The following HIVEP3 variants were observed in gnomAD, a reference collection of about 807,000 sequenced individuals.
HIVEP3 encodes the protein HIVEP zinc finger 3, also known as transcription factor HIVEP3.
Under a neutral mutation model 152.8 loss-of-function variants are expected in HIVEP3, and 49 were observed. That is an observed-to-expected ratio of 0.32 (90% CI 0.26 to 0.41). The LOEUF (loss-of-function observed/expected upper bound fraction) is 0.41, where lower values mean the gene tolerates loss of function less well. HIVEP3 is among the 10% of genes least tolerant of loss of function. The pLI is 1.00. For missense variants in HIVEP3, 2,790 were observed against 3,103.3 expected, an observed-to-expected ratio of 0.90 and a Z score of 2.40; for synonymous variants, 1,269 against 1,289.0, an observed-to-expected ratio of 0.98 and a Z score of 0.33.
intron 1 of HIVEP3, among the ~76,000 whole-genome samples, chr1:41,730,876 TG>T (rs541536945): frequency 4.6e-5 from 7 of 152,130 alleles, no homozygotes; most frequent in Non-Finnish European, 5.9e-5. Flanking sequence ...GGGGATCTAA[TG>T]GGACTAGCTG....
intron 1 of HIVEP3, among the ~76,000 whole-genome samples, chr1:41,916,723 C>T (rs1203698014): frequency 1.3e-5 from 2 of 152,174 alleles, no homozygotes; most frequent in Non-Finnish European, 2.9e-5. Context: ...TATAGCCCAA[C>T]CCCAGAGCAC....
intron 1 of HIVEP3, among the ~76,000 whole-genome samples, chr1:42,000,444 C>A (rs1201362737): frequency 6.6e-6 from 1 of 152,154 alleles, no homozygotes; most frequent in Non-Finnish European, 1.5e-5. Flanking sequence ...CAGGAGGAGG[C>A]ACAAGTCACC....
rs1418961212 is a variant in HIVEP3 at position 41,510,485 on chromosome 1, T to C, written c.7187A>G (p.His2396Arg). ...SGSGEPRAHP[H>R]QPEDRVPPNA ...GGGGGGAACCCTGTCCTCAGGCTGATGTGGATGTGCCCTGGGCTCCCCACT... is the reference window on the plus strand; with the variant it reads ...GGGGGGAACCCTGTCCTCAGGCTGACGTGGATGTGCCCTGGGCTCCCCACT... The change falls in exon 9 of 9, where the codon CAT becomes CGT. Residue 2396 changes from histidine to arginine, a missense_variant. His to Arg is a conservative substitution (Grantham distance 29). Transcript: ENST00000372583. The C allele has an allele frequency of 1.9e-6, 3 of 1,568,054 alleles. No individual in the cohort carries two copies. The highest frequency in any genetic ancestry group is 1.7e-6 in the Non-Finnish European group (2 of 1,154,856).
intron 2 of HIVEP3, among the ~76,000 whole-genome samples, chr1:41,656,228 C>T (rs1026361578): frequency 5.3e-4 from 80 of 152,180 alleles, no homozygotes; most frequent in Admixed American, 3.9e-4. Context: ...CAGCCCCACA[C>T]GCAGCCAGTT....
intron 2 of HIVEP3, among the ~76,000 whole-genome samples, chr1:41,661,490 G>A (rs1019531695): frequency 6.6e-6 from 1 of 151,720 alleles, no homozygotes. Flanking sequence ...TCTCCCAGTC[G>A]CCACACCCTC....
chr1:41,945,091 T>A (rs1296502627), intron 1 of HIVEP3, among the ~76,000 whole-genome samples: 1 of 152,172 alleles, frequency 6.6e-6, no homozygotes, highest in African/African-American at 2.4e-5. Flanking sequence ...ATGTACAAAC[T>A]TTCTTTTCAT....
chr1:41,957,228 TG>T (rs1645144826), intron 1 of HIVEP3, among the ~76,000 whole-genome samples: 1 of 116,256 alleles, frequency 8.6e-6, no homozygotes, highest in Non-Finnish European at 2.1e-5. Flanking sequence ...CTAAAAGTTT[TG>T]CCAGAATAAT....
chr1:41,839,693 C>T (rs773080522), intron 1 of HIVEP3, among the ~76,000 whole-genome samples: 94 of 152,156 alleles, frequency 6.2e-4, no homozygotes, highest in Non-Finnish European at 1.2e-3. Flanking sequence ...TTAATGGCCA[C>T]GCCTGGGGTC....
intron 1 of HIVEP3, among the ~76,000 whole-genome samples, chr1:42,026,090 C>T (rs913818724): frequency 1.3e-5 from 2 of 151,746 alleles, no homozygotes; most frequent in African/African-American, 4.8e-5. Flanking sequence ...AAAAAAAAAT[C>T]TGCGAAAAGG....
chr1:41,703,214 C>T (rs1324582526), intron 1 of HIVEP3, among the ~76,000 whole-genome samples: 1 of 152,226 alleles, frequency 6.6e-6, no homozygotes, highest in Admixed American at 6.5e-5. Context: ...GATCTTGACT[C>T]CTTCCTGCTG....
At chr1:41,812,574 A>G (rs1395521802) in intron 1 of HIVEP3, among the ~76,000 whole-genome samples, 1 of 152,170 alleles carries the variant, frequency 6.6e-6, no homozygotes, top group African/African-American at 2.4e-5. Context: ...CTCTGGAATG[A>G]CTGGGCCACA....
chr1:41,829,769 T>A (rs911895034), intron 1 of HIVEP3, among the ~76,000 whole-genome samples: 23 of 150,822 alleles, frequency 1.5e-4, no homozygotes, highest in Non-Finnish European at 3.1e-4. Flanking sequence ...TAGCCTTTTT[T>A]AAAAAAAAAT....
chr1:41,532,621 G>T (rs1643294451), intron 5 of HIVEP3, among the ~76,000 whole-genome samples: 1 of 152,150 alleles, frequency 6.6e-6, no homozygotes, highest in Non-Finnish European at 1.5e-5. Context: ...CTGGGCATAG[G>T]CTCCACAGGC....
chr1:41,896,982 T>C (rs928213416), intron 1 of HIVEP3, among the ~76,000 whole-genome samples: 3 of 152,106 alleles, frequency 2.0e-5, no homozygotes, highest in Non-Finnish European at 4.4e-5. Context: ...ACAGCAGTCA[T>C]GGAGCGCTCG....
intron 3 of HIVEP3, among the ~76,000 whole-genome samples, chr1:41,595,890 C>G (rs68087926): frequency 6.6e-6 from 1 of 152,084 alleles, no homozygotes; most frequent in Non-Finnish European, 1.5e-5. Flanking sequence ...TGCTTGCAGA[C>G]GGCCTATTGT....
chr1:41,875,788 C>T (rs1401454730), intron 1 of HIVEP3, among the ~76,000 whole-genome samples: 1 of 152,256 alleles, frequency 6.6e-6, no homozygotes, highest in Admixed American at 6.5e-5. Flanking sequence ...TAGCAGGGTA[C>T]ATGCCCTGCA....
intron 1 of HIVEP3, among the ~76,000 whole-genome samples, chr1:41,747,576 G>A (rs527254302): frequency 1.3e-5 from 2 of 152,350 alleles, no homozygotes; most frequent in East Asian, 3.8e-4. Context: ...TCACATGTGA[G>A]TGTCCTTCTG....
At chr1:41,876,185 T>G (rs891812180) in intron 1 of HIVEP3, among the ~76,000 whole-genome samples, 3 of 152,126 alleles carry the variant, frequency 2.0e-5, no homozygotes, top group African/African-American at 7.2e-5. Flanking sequence ...TTTTAAATGA[T>G]AACCTGATAT....
chr1:41,805,429 T>C (rs186306600), intron 1 of HIVEP3, among the ~76,000 whole-genome samples: 56 of 152,196 alleles, frequency 3.7e-4, no homozygotes, highest in African/African-American at 7.7e-4. Context: ...TAAATCAAAG[T>C]GGCCACTGGT....
Sources: gnomAD v4.1 joint callset for allele counts (sites outside exome capture counted in the v4.1 genomes callset) on GRCh38, gnomAD v4.1.1 for gene constraint, MANE v1.5 for transcripts, NCBI Gene and HGNC (gene_info 2026-07-23, HGNC 2026-07-21) for gene names.